Variants in VPS13B observed in about 807,000 individuals in gnomAD.
The protein encoded by VPS13B is vacuolar protein sorting 13 homolog B.
VPS13B carries 285 observed loss-of-function variants against 426.4 expected under a neutral mutation model. The observed-to-expected ratio is 0.67, with a 90% CI of 0.61 to 0.74. The LOEUF (loss-of-function observed/expected upper bound fraction) is 0.74, where lower values mean the gene tolerates loss of function less well. Among genes scored for constraint, VPS13B ranks in the 30% least tolerant of loss-of-function variants. VPS13B has a pLI of 0.00. For missense variants in VPS13B, 4,537 were observed against 4,782.6 expected (o/e 0.95, Z 1.51); for synonymous variants, 1,676 against 1,676.4 (o/e 1.00, Z 0.01).
chr8:99,290,512 CG>C (rs923671949), intron 19 of VPS13B, among the ~76,000 whole-genome samples: 1 of 151,340 alleles, frequency 6.6e-6, no homozygotes, highest in African/African-American at 2.4e-5. Flanking sequence ...TCATGGGGTG[CG>C]GGGAGAGGGA....
intron 23 of VPS13B, among the ~76,000 whole-genome samples, chr8:99,460,469 T>G (rs574161231): frequency 9.9e-5 from 15 of 152,264 alleles, no homozygotes; most frequent in South Asian, 4.1e-4. Context: ...TCAGTAGCAT[T>G]TTCAAGTACT....
intron 17 of VPS13B, among the ~76,000 whole-genome samples, chr8:99,229,457 A>T (rs1041228711): frequency 1.3e-5 from 2 of 152,126 alleles, no homozygotes; most frequent in Admixed American, 6.5e-5. Flanking sequence ...CTTTGGGATG[A>T]TACTAATTAT....
In VPS13B at chr8:99,817,566, C is replaced by G; in HGVS notation, c.8124C>G (p.Ile2708Met). The change falls in exon 45 of 62, where the codon ATC becomes ATG. Residue 2708 changes from isoleucine (I) to methionine (M), a missense_variant. Around this residue, in one of 2 missense-constraint regions of VPS13B, gnomAD observed 4,311 missense variants for 4,474.3 expected, o/e 0.96. Transcript: ENST00000357162. ...KQIIICGRQI[I>M]CSYLSQSIEL... Reference sequence around the variant, plus strand: ...TTATCATCTGTGGAAGACAGATCATCTGTAGTTACTTGTCTCAAAGCATAG... The same window carrying G: ...TTATCATCTGTGGAAGACAGATCATGTGTAGTTACTTGTCTCAAAGCATAG... The G allele has an allele frequency of 1.2e-6, 2 of 1,614,014 alleles. No individual in the cohort carries two copies. Among genetic ancestry groups the G allele is most frequent in the South Asian group, 1.1e-5 (1 of 91,072 alleles).
chr8:99,556,726 A>G lies in VPS13B; in HGVS notation c.4949+73A>G, dbSNP rs1212471948. 2.6e-6 allele frequency: 4 copies of G among 1,514,412 alleles called. No individual in the cohort carries two copies. In the South Asian group the frequency reaches 3.5e-5, roughly 13 times the overall value. The allele number at this position is 1,514,412 out of a possible 1,614,324, so 93.8% of individuals were successfully genotyped here. A position where few individuals can be genotyped will look rare whatever the true frequency, so the allele number is the denominator to read the frequency against. On this transcript the variant is annotated intron_variant, in intron 31 of 61. Coordinates refer to ENST00000357162, the MANE Select transcript of VPS13B (RefSeq NM_152564.5). The stretch of plus-strand genomic sequence containing the variant: ...CAGAATAGTTGGTGATACAATCTTT[A>G]GCATGTCCAACCAACCTAAGTATTT...
intron 17 of VPS13B, among the ~76,000 whole-genome samples, chr8:99,264,797 G>T (rs960233340): frequency 6.6e-6 from 1 of 151,950 alleles, no homozygotes; most frequent in Non-Finnish European, 1.5e-5. Flanking sequence ...TTTTGGAAAT[G>T]CTCTTGAACT....
At chr8:99,163,776 C>A in intron 15 of VPS13B, among the ~76,000 whole-genome samples, 1 of 139,842 alleles carries the variant, frequency 7.2e-6, no homozygotes, top group East Asian at 2.4e-4. Context: ...CCGCTCGCGC[C>A]TCTCCCTCCA....
intron 61 of VPS13B, chr8:99,875,205 C>T (rs902517415): frequency 1.5e-6 from 1 of 677,250 alleles, no homozygotes; most frequent in Non-Finnish European, 2.6e-6. Context: ...GGAGGCTGTC[C>T]TAAGTCTCAT....
rs756558205 is a variant in VPS13B, at chr8:99,337,402, T to C, written c.2825-46806T>C. ...GGGAGATGGATAGCTTTAGGAGATA[T>C]ACCTAATGCTAAATGACGAGTTAAT... is the stretch of plus-strand genomic sequence containing the variant. On this transcript the variant is annotated intron_variant, in intron 19 of 61. Coordinates refer to ENST00000357162, the MANE Select transcript of VPS13B (RefSeq NM_152564.5). 2.9e-4 allele frequency among the ~76,000 whole-genome samples: 44 copies of C among 150,524 alleles called. 1 individual carries two copies. Among genetic ancestry groups the C allele is most frequent in the Middle Eastern group, 3.2e-3 (1 of 314 alleles).
In VPS13B at chr8:99,861,958, C is replaced by T. The variant is rs371237817; in HGVS notation, c.11215+12C>T. On this transcript the variant is annotated intron_variant, in intron 58 of 61. Transcript: ENST00000357162. The stretch of plus-strand genomic sequence containing the variant: ...CATCAGCCTGCTTGGTAAGGGGCTG[C>T]GGGGCCTCCCACCTGTCTGTACTCC... The T allele has an allele frequency of 4.1e-5, 65 of 1,574,300 alleles. 1 individual carries two copies. In the African/African-American group the frequency reaches 5.0e-4, roughly 12 times the overall value.
intron 23 of VPS13B, among the ~76,000 whole-genome samples, chr8:99,464,441 TC>T (rs1290090090): frequency 6.6e-6 from 1 of 152,182 alleles, no homozygotes; most frequent in African/African-American, 2.4e-5. Context: ...GAATATTGAT[TC>T]CTACCCAAAA....
intron 49 of VPS13B, 131 bp from the exon 50 acceptor site, chr8:99,821,163 C>G: frequency 1.7e-6 from 1 of 578,674 alleles, no homozygotes; most frequent in Admixed American, 2.7e-5. Flanking sequence ...CACACACACA[C>G]ACACCATGGA....
chr8:99,667,982 A>G (rs1284622109), intron 35 of VPS13B, among the ~76,000 whole-genome samples: 1 of 152,196 alleles, frequency 6.6e-6, no homozygotes, highest in Admixed American at 6.6e-5. Context: ...AAGAAAAAGC[A>G]TTACAAAAAA....
At position 99,379,712 on chromosome 8, in the gene VPS13B, T is replaced by G. The variant is rs571094515; in HGVS notation, c.2825-4496T>G. Among the ~76,000 whole-genome samples the G allele has an allele frequency of 3.3e-4, 51 of 152,312 alleles. No homozygotes were observed. The South Asian group carries it at 9.1e-3, about 27-fold the overall frequency. ...CATCTAACTGAGGATCACTTTTGTCTTCTGAATCCAAAGTCTTCTTTCTTC... is the reference window on the plus strand; with the variant it reads ...CATCTAACTGAGGATCACTTTTGTCGTCTGAATCCAAAGTCTTCTTTCTTC... On this transcript the variant is annotated intron_variant, in intron 19 of 61. Coordinates refer to ENST00000357162, the MANE Select transcript of VPS13B (RefSeq NM_152564.5).
At chr8:99,685,128 A>G (rs985341858) in intron 35 of VPS13B, among the ~76,000 whole-genome samples, 2 of 152,232 alleles carry the variant, frequency 1.3e-5, no homozygotes, top group African/African-American at 4.8e-5. Flanking sequence ...GATATATTAG[A>G]TATTTTTCCT....
intron 3 of VPS13B, among the ~76,000 whole-genome samples, chr8:99,077,733 G>C (rs1384195552): frequency 6.6e-6 from 1 of 151,962 alleles, no homozygotes; most frequent in Non-Finnish European, 1.5e-5. Flanking sequence ...GAATCCGTTT[G>C]GGGTTCTTGA....
intron 21 of VPS13B, among the ~76,000 whole-genome samples, chr8:99,398,452 T>C (rs1814858806): frequency 6.6e-6 from 1 of 152,198 alleles, no homozygotes; most frequent in Non-Finnish European, 1.5e-5. Context: ...TGTTAGTCTG[T>C]GGTCAGTTGG....
At chr8:99,201,558 A>G (rs368198156) in intron 17 of VPS13B, among the ~76,000 whole-genome samples, 90 of 152,264 alleles carry the variant, frequency 5.9e-4, no homozygotes, top group African/African-American at 2.1e-3. Context: ...ACTAATTTCT[A>G]TTTTGTGAAT....
At chr8:99,235,749 T>A (rs1816608940) in intron 17 of VPS13B, among the ~76,000 whole-genome samples, 1 of 152,230 alleles carries the variant, frequency 6.6e-6, no homozygotes, top group South Asian at 2.1e-4. Flanking sequence ...ACACAAGTAC[T>A]ACCATGTAAC....
intron 39 of VPS13B, among the ~76,000 whole-genome samples, chr8:99,736,398 C>T (rs557723984): frequency 6.6e-6 from 1 of 152,140 alleles, no homozygotes; most frequent in African/African-American, 2.4e-5. Context: ...CATGGTGAAA[C>T]CCCGTCTCTA....
Sources: gnomAD v4.1 joint callset for allele counts (sites outside exome capture counted in the v4.1 genomes callset) on GRCh38, gnomAD v4.1.1 for gene constraint, gnomAD v4.1.1 regional missense constraint, MANE v1.5 for transcripts, NCBI Gene and HGNC (gene_info 2026-07-23, HGNC 2026-07-21) for gene names.